The following NTN1 variants were observed in gnomAD, a reference collection of about 807,000 sequenced individuals.
The protein encoded by NTN1 is netrin-1.
Under a neutral mutation model 54.2 loss-of-function variants are expected in NTN1, and 11 were observed. The observed-to-expected ratio is 0.20, with a 90% CI of 0.13 to 0.34. NTN1 has a LOEUF of 0.34. NTN1 is among the 10% of genes least tolerant of loss of function. The pLI, the probability that NTN1 is intolerant of heterozygous loss-of-function variation, is 1.00. For missense variants in NTN1, 740 were observed against 893.1 expected (o/e 0.83, Z 2.18); for synonymous variants, 371 against 382.0 (o/e 0.97, Z 0.33).
At chr17:9,086,757 C>G (rs2092091271) in intron 2 of NTN1, among the ~76,000 whole-genome samples, 1 of 152,150 alleles carries the variant, frequency 6.6e-6, no homozygotes, top group African/African-American at 2.4e-5. Context: ...GTCATCATGA[C>G]TGTCCTGTCA....
chr17:9,170,739 T>C (rs951081210), intron 3 of NTN1, among the ~76,000 whole-genome samples: 6 of 152,112 alleles, frequency 3.9e-5, no homozygotes, highest in Non-Finnish European at 7.4e-5. Flanking sequence ...GGACTGGGAC[T>C]TAGGGCTGTT....
chr17:9,144,285 C>T (rs1328287655), intron 2 of NTN1, among the ~76,000 whole-genome samples: 1 of 152,020 alleles, frequency 6.6e-6, no homozygotes, highest in Admixed American at 6.6e-5. Flanking sequence ...TCTAGTAGGT[C>T]TCCCATAGCT....
intron 3 of NTN1, among the ~76,000 whole-genome samples, chr17:9,164,611 A>G (rs1289241108): frequency 6.6e-6 from 1 of 152,190 alleles, no homozygotes; most frequent in East Asian, 1.9e-4. Flanking sequence ...CACTTTTCTC[A>G]AAATAAACAG....
chr17:9,131,149 A>G (rs2142270347), intron 2 of NTN1, among the ~76,000 whole-genome samples: 1 of 152,276 alleles, frequency 6.6e-6, no homozygotes, highest in South Asian at 2.1e-4. Flanking sequence ...CATGGCTCAC[A>G]TCTTAACTTC....
chr17:9,050,822 A>G (rs1215473889), intron 2 of NTN1, among the ~76,000 whole-genome samples: 1 of 152,108 alleles, frequency 6.6e-6, no homozygotes, highest in Non-Finnish European at 1.5e-5. Context: ...GAAATGATGT[A>G]TGTGAGATGC....
chr17:9,173,873 G>A (rs1037628170), intron 3 of NTN1: 2 of 152,328 alleles, frequency 1.3e-5, no homozygotes, highest in Non-Finnish European at 2.9e-5. Flanking sequence ...GTCTTGTGAG[G>A]ACTAGGAAGG....
chr17:9,157,710 C>A (rs981628912), intron 2 of NTN1, among the ~76,000 whole-genome samples: 2 of 152,196 alleles, frequency 1.3e-5, no homozygotes, highest in African/African-American at 4.8e-5. Context: ...GTCTGGGGTA[C>A]CCCTGGATAA....
At chr17:9,012,940 T>C in the NTN1 span, among the ~76,000 whole-genome samples, 1 of 152,230 alleles carries the variant, frequency 6.6e-6, no homozygotes, top group Admixed American at 6.5e-5. Flanking sequence ...CACATTGGGC[T>C]TAATTTCAAG....
intron 2 of NTN1, among the ~76,000 whole-genome samples, chr17:9,066,222 G>C (rs2092014532): frequency 6.6e-6 from 1 of 152,066 alleles, no homozygotes; most frequent in Non-Finnish European, 1.5e-5. Flanking sequence ...AGGAGTTTGA[G>C]TCCAGCCTGA....
At chr17:9,155,377 TGTCGCCCAGGCTGGA>T (rs2092338531) in intron 2 of NTN1, among the ~76,000 whole-genome samples, 1 of 149,864 alleles carries the variant, frequency 6.7e-6, no homozygotes, top group Non-Finnish European at 1.5e-5. Flanking sequence ...GTTTTGCTCT[TGTCGCCCAGGCTGGA>T]GTGCAATGGC....
At chr17:9,146,676 C>T (rs1009922645) in intron 2 of NTN1, among the ~76,000 whole-genome samples, 4 of 152,106 alleles carry the variant, frequency 2.6e-5, no homozygotes, top group Admixed American at 6.6e-5. Context: ...CAGAGTGAGG[C>T]GGGACAATGT....
intron 2 of NTN1, among the ~76,000 whole-genome samples, chr17:9,158,069 CAA>C (rs1480567246): frequency 2.6e-5 from 4 of 152,152 alleles, no homozygotes; most frequent in Non-Finnish European, 5.9e-5. Flanking sequence ...GAAAATAAAA[CAA>C]AGAGAAAAGA....
chr17:9,221,062 A>G lies in NTN1; in HGVS notation c.1412-106A>G. On this transcript the variant is annotated intron_variant, in intron 5 of 6. Transcript: ENST00000173229. The surrounding 1 kb of genome is among the most constrained non-coding windows in gnomAD (Gnocchi z 4.5). ...CCGCCCGGCCTGGCCCATGGGTATC[A>G]CAGGCCTCTGGCTATTTAGGGAGGC... 1 of 858,904 alleles carries G rather than the reference A, an allele frequency of 1.2e-6. No individual in the cohort carries two copies. Among genetic ancestry groups the G allele is most frequent in the East Asian group, 2.4e-5 (1 of 41,536 alleles). 53.2% of individuals were successfully genotyped at this position (858,904 alleles called of 1,614,324 possible). A position where few individuals can be genotyped will look rare whatever the true frequency, so the allele number is the denominator to read the frequency against.
chr17:9,049,701 G>A (rs548374438), intron 2 of NTN1, among the ~76,000 whole-genome samples: 11 of 152,348 alleles, frequency 7.2e-5, no homozygotes, highest in African/African-American at 2.2e-4. Context: ...CTAAGGAGAC[G>A]TGAGACCAAA....
intron 2 of NTN1, among the ~76,000 whole-genome samples, chr17:9,111,424 TGTG>T (rs1335669153): frequency 1.3e-5 from 2 of 151,762 alleles, no homozygotes; most frequent in Admixed American, 6.6e-5. Flanking sequence ...TGTAGGTGTG[TGTG>T]GTGGTGGTGG....
intron 2 of NTN1, among the ~76,000 whole-genome samples, chr17:9,098,978 G>A (rs947318109): frequency 2.6e-5 from 4 of 151,940 alleles, no homozygotes; most frequent in Non-Finnish European, 5.9e-5. Flanking sequence ...TTCCATTTTC[G>A]TTTTCCTTTG....
chr17:9,082,548 G>A (rs1448810261), intron 2 of NTN1, among the ~76,000 whole-genome samples: 1 of 152,154 alleles, frequency 6.6e-6, no homozygotes, highest in African/African-American at 2.4e-5. Flanking sequence ...ACAACTGGCT[G>A]GTGAGGGCAG....
intron 2 of NTN1, among the ~76,000 whole-genome samples, chr17:9,055,958 C>T (rs140413114): frequency 0.018 from 2,692 of 149,636 alleles, 90 homozygotes; most frequent in African/African-American, 0.062. Flanking sequence ...AGTGCAATGG[C>T]GCAATCTGTG....
Position 9,240,158 on chromosome 17 carries a change from T to A in NTN1, c.*190T>A. ...CTCCCCCTACCCCCACCCTGCGCGC[T>A]CTGGGCGGGAGCCGCGTGCACGCGG... On this transcript the variant is annotated 3_prime_UTR_variant, in exon 7 of 7. Coordinates refer to ENST00000173229, the MANE Select transcript of NTN1 (RefSeq NM_004822.3). The A allele has an allele frequency of 4.5e-6, 1 of 220,764 alleles. No individual in the cohort carries two copies. Among genetic ancestry groups the A allele is most frequent in the Non-Finnish European group, 7.7e-6 (1 of 129,262 alleles). 13.7% of individuals were successfully genotyped at this position (220,764 alleles called of 1,614,324 possible). A position where few individuals can be genotyped will look rare whatever the true frequency, so the allele number is the denominator to read the frequency against.
Sources: gnomAD v4.1 joint callset for allele counts (sites outside exome capture counted in the v4.1 genomes callset) on GRCh38, gnomAD v4.1.1 for gene constraint, Gnocchi (gnomAD v3.1) non-coding constraint, MANE v1.5 for transcripts, NCBI Gene and HGNC (gene_info 2026-07-23, HGNC 2026-07-21) for gene names.